ESRRG: variants seen among roughly 807,000 people sequenced by gnomAD.
The protein encoded by ESRRG is estrogen-related receptor gamma.
Under a neutral mutation model 44.0 loss-of-function variants are expected in ESRRG, and 13 were observed. The ratio of observed to expected loss-of-function variants is 0.30; its 90% CI spans 0.19 to 0.47. The LOEUF (loss-of-function observed/expected upper bound fraction) is 0.47. ESRRG is among the 20% of genes least tolerant of loss of function. ESRRG has a pLI of 1.00. For missense variants in ESRRG, 395 were observed against 580.6 expected (o/e 0.68, Z 3.29); for synonymous variants, 215 against 214.6 (o/e 1.00, Z -0.02).
chr1:216,742,280 C>A (rs1263455131), intron 2 of ESRRG, among the ~76,000 whole-genome samples: 1 of 152,024 alleles, frequency 6.6e-6, no homozygotes, highest in Admixed American at 6.6e-5. Context: ...TAGGTTAGAG[C>A]CTTGAAAAAG....
chr1:216,738,621 G>A (rs2090278486), intron 2 of ESRRG, among the ~76,000 whole-genome samples: 2 of 152,078 alleles, frequency 1.3e-5, no homozygotes, highest in Admixed American at 1.3e-4. Flanking sequence ...CAGTCAAACA[G>A]AATGTAGTAA....
chr1:216,520,097 G>A (rs938244991), intron 5 of ESRRG, among the ~76,000 whole-genome samples: 9 of 152,022 alleles, frequency 5.9e-5, no homozygotes, highest in African/African-American at 9.7e-5. Flanking sequence ...GAAAAGCCTC[G>A]TTCACTATTG....
intron 2 of ESRRG, among the ~76,000 whole-genome samples, chr1:216,749,081 G>A (rs2091741039): frequency 6.6e-6 from 1 of 152,000 alleles, no homozygotes. Flanking sequence ...AAGGAGCAGG[G>A]AGAGCAGGCA....
intron 1 of ESRRG, among the ~76,000 whole-genome samples, chr1:217,079,941 C>A (rs973663216): frequency 1.3e-5 from 2 of 152,140 alleles, no homozygotes; most frequent in Non-Finnish European, 2.9e-5. Flanking sequence ...TTCCAACAGT[C>A]CTATGAGATA....
chr1:216,781,198 C>T (rs965710037), intron 2 of ESRRG, among the ~76,000 whole-genome samples: 1 of 151,850 alleles, frequency 6.6e-6, no homozygotes, highest in African/African-American at 2.4e-5. Context: ...TTCATGTTTT[C>T]ACTCAACAAA....
At chr1:216,588,406 A>G (rs1471990783) in intron 3 of ESRRG, among the ~76,000 whole-genome samples, 1 of 152,226 alleles carries the variant, frequency 6.6e-6, no homozygotes, top group African/African-American at 2.4e-5. Context: ...GTTTTTATTA[A>G]TAAATTTAAC....
rs189664327 is a variant in ESRRG, at chr1:216,825,426, A to C, written c.-14+114156T>G. Among the ~76,000 whole-genome samples, 396 of 152,340 alleles carry C rather than the reference A, an allele frequency of 2.6e-3. 3 individuals carry two copies. The highest frequency in any genetic ancestry group is 2.9e-3 in the Non-Finnish European group (195 of 68,028). ...TTGTAAGTGTCCGCTGGGATAAAGC[A>C]GGCAAAGATAAGGAGGTTTGCAAAT... is the stretch of plus-strand genomic sequence containing the variant. On this transcript the variant is annotated intron_variant, in intron 2 of 7. Transcript: ENST00000359162.
chr1:216,547,598 A>T (rs1440590101), intron 5 of ESRRG, among the ~76,000 whole-genome samples: 1 of 152,102 alleles, frequency 6.6e-6, no homozygotes. Flanking sequence ...AATACATTTC[A>T]TACATTAAAG....
At chr1:216,630,859 A>T (rs534996763) in intron 3 of ESRRG, among the ~76,000 whole-genome samples, 5 of 152,336 alleles carry the variant, frequency 3.3e-5, no homozygotes, top group African/African-American at 9.6e-5. Flanking sequence ...TCAGAAAATG[A>T]AAAGAGAATG....
intron 1 of ESRRG, among the ~76,000 whole-genome samples, chr1:217,052,185 A>G (rs932279625): frequency 9.9e-5 from 15 of 152,230 alleles, no homozygotes; most frequent in African/African-American, 3.6e-4. Context: ...AGAGGAAGAC[A>G]TACTAAGAAT....
chr1:217,079,171 C>T (rs577014237), intron 1 of ESRRG, among the ~76,000 whole-genome samples: 41 of 152,266 alleles, frequency 2.7e-4, no homozygotes, highest in Non-Finnish European at 5.0e-4. Context: ...AAGGTAAGGG[C>T]GGCTGCTAGT....
At position 216,503,940 on chromosome 1, in the gene ESRRG, GAA is replaced by G. The variant is rs201563931; in HGVS notation, c.*2997_*2998del. The G allele has an allele frequency of 0.013, 2,000 of 152,582 alleles. 27 individuals are homozygous for G. Among genetic ancestry groups the G allele is most frequent in the Non-Finnish European group, 0.02 (1,338 of 67,938 alleles). The allele number at this position is 152,582 out of a possible 1,614,324, so 9.5% of individuals were successfully genotyped here. A position where few individuals can be genotyped will look rare whatever the true frequency, so the allele number is the denominator to read the frequency against. ...GTAAATGGTCTTGCTTGAAACTTGAGAAGACTTCCCTCTAGTGAGGTTTAAGA... is the reference window on the plus strand; with the variant it reads ...GTAAATGGTCTTGCTTGAAACTTGAGGACTTCCCTCTAGTGAGGTTTAAGA... On this transcript the variant is annotated 3_prime_UTR_variant, in exon 7 of 7. Coordinates refer to ENST00000408911, the MANE Select transcript of ESRRG (RefSeq NM_001438.4).
At chr1:216,997,296 C>T (rs2076487078) in intron 1 of ESRRG, among the ~76,000 whole-genome samples, 1 of 152,212 alleles carries the variant, frequency 6.6e-6, no homozygotes, top group Non-Finnish European at 1.5e-5. Flanking sequence ...CACTTGGCCT[C>T]TCAAGAGCTC....
At chr1:216,545,650 C>T (rs571938765) in intron 5 of ESRRG, among the ~76,000 whole-genome samples, 3 of 151,844 alleles carry the variant, frequency 2.0e-5, no homozygotes, top group African/African-American at 7.3e-5. Flanking sequence ...TACACACATA[C>T]TTATATGTTT....
At position 217,034,764 on chromosome 1, in the gene ESRRG, G is replaced by A. The variant is rs79455745; in HGVS notation, c.-106+54743C>T. ...CCTGTTCAGAGGTCCAGGAGGACAG[G>A]GACCAGGCTGCAGTGCACCATACGT... On this transcript the variant is annotated intron_variant, in intron 1 of 7. Transcript: ENST00000359162. 2.1e-3 allele frequency among the ~76,000 whole-genome samples: 324 copies of A among 152,244 alleles called. 1 individual carries two copies. The highest frequency in any genetic ancestry group is 6.8e-3 in the Middle Eastern group (2 of 294).
intron 5 of ESRRG, among the ~76,000 whole-genome samples, chr1:216,533,284 G>T (rs528118222): frequency 6.6e-6 from 1 of 150,944 alleles, no homozygotes; most frequent in South Asian, 2.1e-4. Flanking sequence ...AAAATAAAAG[G>T]TATATATTAG....
At chr1:216,883,386 GAAAAAAAAAAAAAAA>G (rs11318094) in intron 2 of ESRRG, among the ~76,000 whole-genome samples, 6 of 75,842 alleles carry the variant, frequency 7.9e-5, no homozygotes, top group Non-Finnish European at 1.4e-4. Context: ...ACTTCTCTGA[GAAAAAAAAAAAAAAA>G]AAAAAAAAAA....
At chr1:216,564,098 A>G in intron 5 of ESRRG, 121 bp downstream of exon 5, 1 of 520,826 alleles carries the variant, frequency 1.9e-6, no homozygotes, top group Non-Finnish European at 3.3e-6. Flanking sequence ...ATGATTAAAA[A>G]TAAATGTAAA....
At chr1:216,791,476 A>AT (rs953894967) in intron 2 of ESRRG, among the ~76,000 whole-genome samples, 4 of 152,012 alleles carry the variant, frequency 2.6e-5, no homozygotes, top group Admixed American at 1.3e-4. Context: ...AGTCTCAGGT[A>AT]TTTTTTTATA....
Sources: allele counts gnomAD v4.1 joint callset (sites outside exome capture counted in the v4.1 genomes callset), GRCh38; gene constraint gnomAD v4.1.1; transcripts MANE v1.5; gene names NCBI Gene and HGNC (gene_info 2026-07-23, HGNC 2026-07-21).